Variants in PSD observed in about 807,000 individuals in gnomAD.
The protein encoded by PSD is PH and SEC7 domain-containing protein 1.
A neutral mutation model predicts 91.6 loss-of-function variants in PSD; 32 were observed. The observed-to-expected ratio is 0.35, with a 90% CI of 0.26 to 0.47. The LOEUF is 0.47. Among genes scored for constraint, PSD ranks in the 20% least tolerant of loss-of-function variants. PSD has a pLI of 1.00. For missense variants in PSD, 1,099 were observed against 1,373.9 expected (o/e 0.80, Z 3.16); for synonymous variants, 532 against 569.3 (o/e 0.93, Z 0.93).
intron 3 of PSD, 149 bp from the exon 4 acceptor site, chr10:102,415,378 G>C: frequency 1.0e-6 from 1 of 976,048 alleles, no homozygotes; most frequent in Non-Finnish European, 1.4e-6. Context: ...TACTTAGCTT[G>C]TTCCTGGTGC....
chr10:102,416,653 A>G lies in PSD; in HGVS notation c.386T>C (p.Leu129Pro), dbSNP rs2061485183. 6.2e-7 allele frequency: 1 copy of G among 1,609,616 alleles called. No homozygotes were observed. The highest frequency in any genetic ancestry group is 2.2e-5 in the East Asian group (1 of 44,860). Residue 129 changes from leucine (L) to proline (P), a missense_variant, in exon 2 of 17, where the codon CTG becomes CCG. Physicochemically the swap from Leu to Pro is moderately conservative, Grantham distance 98. Coordinates refer to ENST00000020673, the MANE Select transcript of PSD (RefSeq NM_002779.5). This position sits in a 1 kb window ranked among gnomAD's most constrained non-coding sequence, Gnocchi z 6.0. ...GGGCCTGGGAGGAGAAACCCCACCC[A>G]GATCCCAGCTCCGACTCAAGCCCCC... ...APGGLSRSWD[L>P]GGVSPPRPTP...
In PSD at chr10:102,404,130, C is replaced by T. The variant is rs1039657895; in HGVS notation, c.2701-145G>A. 2.1e-5 allele frequency: 21 copies of T among 980,506 alleles called. No individual in the cohort carries two copies. Among genetic ancestry groups the T allele is most frequent in the East Asian group, 1.7e-4 (6 of 36,226 alleles). The allele number at this position is 980,506 out of a possible 1,614,324, so 60.7% of individuals were successfully genotyped here. On this transcript the variant is annotated intron_variant, in intron 15 of 16. Coordinates refer to ENST00000020673, the MANE Select transcript of PSD (RefSeq NM_002779.5). The surrounding 1 kb of genome is among the most constrained non-coding windows in gnomAD (Gnocchi z 5.7). ...TTGGGAGGCCAAGGCGGGCGGATCA[C>T]GAGGTCAGGAGATCGAGACCATCCT...
At chr10:102,418,950 C>T (rs2061522170), upstream of PSD, 1 of 344,508 alleles carries the variant, frequency 2.9e-6, no homozygotes, top group African/African-American at 2.2e-5. Flanking sequence ...CAACCTAAGA[C>T]CCGCCCCAGA....
chr10:102,411,783 G>A lies in PSD; in HGVS notation c.1866C>T (p.Thr622=), dbSNP rs2135456660. Reference sequence around the variant, plus strand: ...GGGCCAGCACGCGCTCTCGTTCCTGGGTCTCACCCATTAAGGCCAGCTCCT... The same window carrying A: ...GGGCCAGCACGCGCTCTCGTTCCTGAGTCTCACCCATTAAGGCCAGCTCCT... ...FLKELALMGE[T]QERERVLAHF... is the part of the protein sequence containing the mutation. The change falls in exon 8 of 17, where the codon ACC becomes ACT. Residue 622 remains threonine, a synonymous_variant. Transcript: ENST00000020673. 1 of 1,613,594 alleles carries A rather than the reference G, an allele frequency of 6.2e-7. No individual in the cohort carries two copies. The highest frequency in any genetic ancestry group is 8.5e-7 in the Non-Finnish European group (1 of 1,179,798).
Position 102,404,011 on chromosome 10 carries a change from A to T in PSD, c.2701-26T>A. The T allele has an allele frequency of 6.5e-7, 1 of 1,537,404 alleles. No homozygotes were observed. Among genetic ancestry groups the T allele is most frequent in the Non-Finnish European group, 8.7e-7 (1 of 1,144,462 alleles). ...CTAGCGGCCAGGGGGAGGCATGGTC[A>T]TGGTCACTCTGCCCTATACAGTGCC... On this transcript the variant is annotated intron_variant, in intron 15 of 16. Coordinates refer to ENST00000020673, the MANE Select transcript of PSD (RefSeq NM_002779.5). This position sits in a 1 kb window ranked among gnomAD's most constrained non-coding sequence, Gnocchi z 5.7.
At chr10:102,415,960 T>C in intron 3 of PSD, 57 bp downstream of exon 3, 1 of 1,381,946 alleles carries the variant, frequency 7.2e-7, no homozygotes, top group Non-Finnish European at 1.0e-6. Context: ...CTACTGAGCC[T>C]CAGCTGCTGT....
Position 102,409,120 on chromosome 10 carries a change from C to G in PSD, c.2091+1738G>C. 7.1e-6 allele frequency: 7 copies of G among 981,862 alleles called. No homozygotes were observed. Among genetic ancestry groups the G allele is most frequent in the Non-Finnish European group, 8.4e-6 (7 of 828,754 alleles). 60.8% of individuals were successfully genotyped at this position (981,862 alleles called of 1,614,324 possible). A position where few individuals can be genotyped will look rare whatever the true frequency, so the allele number is the denominator to read the frequency against. ...TGGCCCGGCCGGCGCGCCGCGGCCCCCGGCCATGCCCCCGTCCGCCCTCGG... is the reference window on the plus strand; with the variant it reads ...TGGCCCGGCCGGCGCGCCGCGGCCCGCGGCCATGCCCCCGTCCGCCCTCGG... On this transcript the variant is annotated intron_variant, in intron 10 of 16. Coordinates refer to ENST00000020673, the MANE Select transcript of PSD (RefSeq NM_002779.5). This position sits in a 1 kb window ranked among gnomAD's most constrained non-coding sequence, Gnocchi z 5.7.
At position 102,403,065 on chromosome 10, in the gene PSD, C is replaced by T; in HGVS notation, c.*135G>A. 1.6e-6 allele frequency: 1 copy of T among 641,692 alleles called. No homozygotes were observed. The highest frequency in any genetic ancestry group is 2.4e-6 in the Non-Finnish European group (1 of 412,594). The allele number at this position is 641,692 out of a possible 1,614,324, so 39.7% of individuals were successfully genotyped here. A position where few individuals can be genotyped will look rare whatever the true frequency, so the allele number is the denominator to read the frequency against. ...GGCCCAGGCCCCAGCCCTGCCCTGC[C>T]CCGGACACCGCGTCCGGCGCGGTCG... is the stretch of plus-strand genomic sequence containing the variant. On this transcript the variant is annotated 3_prime_UTR_variant, in exon 17 of 17. Coordinates refer to ENST00000020673, the MANE Select transcript of PSD (RefSeq NM_002779.5). The surrounding 1 kb of genome is among the most constrained non-coding windows in gnomAD (Gnocchi z 6.7).
Position 102,414,937 on chromosome 10 carries a change from C to G in PSD, c.1050G>C (p.Glu350Asp), listed in dbSNP as rs2061460729. Residue 350 changes from glutamate (E) to aspartate (D), a missense_variant, in exon 4 of 17, where the codon GAG (glutamate) becomes GAC (aspartate). Glu to Asp is a conservative substitution (Grantham distance 45). Coordinates refer to ENST00000020673, the MANE Select transcript of PSD (RefSeq NM_002779.5). This position sits in a 1 kb window ranked among gnomAD's most constrained non-coding sequence, Gnocchi z 5.6. ...GPHPSLGSGN[E>D]DEDDDEAGGE... ...CACCTGCCTCATCGTCGTCCTCATC[C>G]TCATTGCCACTGCCGAGGCTGGGAT... The G allele has an allele frequency of 6.5e-7, 1 of 1,548,150 alleles. No individual in the cohort carries two copies. Among genetic ancestry groups the G allele is most frequent in the African/African-American group, 1.4e-5 (1 of 73,826 alleles).
rs1274446059 is a variant in PSD at position 102,416,679 on chromosome 10, T to G, written c.360A>C (p.Pro120=). Residue 120 remains proline (P), a synonymous_variant, in exon 2 of 17, where the codon CCA becomes CCC. Transcript: ENST00000020673. This position sits in a 1 kb window ranked among gnomAD's most constrained non-coding sequence, Gnocchi z 6.0. ...GATCCCAGCTCCGACTCAAGCCCCCTGGAGCAGGTAGCCCATTCAGTGGCC... is the reference window on the plus strand; with the variant it reads ...GATCCCAGCTCCGACTCAAGCCCCCGGGAGCAGGTAGCCCATTCAGTGGCC... ...SVRPLNGLPA[P]GGLSRSWDLG... 2 of 1,609,738 alleles carry G rather than the reference T, an allele frequency of 1.2e-6. No homozygotes were observed. The highest frequency in any genetic ancestry group is 2.7e-5 in the African/African-American group (2 of 74,806).
upstream of PSD, chr10:102,419,060 C>T (rs2061523895): frequency 6.2e-6 from 2 of 321,568 alleles, no homozygotes. This position sits in a 1 kb window ranked among gnomAD's most constrained non-coding sequence, Gnocchi z 4.8. Flanking sequence ...GCCCCTTGAG[C>T]CACACGTAAG....
In PSD at chr10:102,412,592, C is replaced by T. The variant is rs1287343776; in HGVS notation, c.1554-17G>A. The T allele has an allele frequency of 1.9e-6, 3 of 1,600,814 alleles. No homozygotes were observed. The highest frequency in any genetic ancestry group is 1.7e-5 in the Admixed American group (1 of 59,144). On this transcript the variant is annotated splice_polypyrimidine_tract_variant and intron_variant, in intron 5 of 16. Transcript: ENST00000020673. The stretch of plus-strand genomic sequence containing the variant: ...GGTGGTTCGCTGCCGGGGTAGAACA[C>T]CAGCTCAGGCTGGGGCAGGGTCCTT...
chr10:102,408,230 G>A (rs1362660890), intron 10 of PSD, among the ~76,000 whole-genome samples: 3 of 152,180 alleles, frequency 2.0e-5, no homozygotes, highest in Non-Finnish European at 2.9e-5. Flanking sequence ...TGGGTGCAGT[G>A]GTGACGTAGG....
At position 102,415,120 on chromosome 10, in the gene PSD, G is replaced by T; in HGVS notation, c.867C>A (p.Asp289Glu). 1 of 1,613,814 alleles carries T rather than the reference G, an allele frequency of 6.2e-7. No homozygotes were observed. Among genetic ancestry groups the T allele is most frequent in the Non-Finnish European group, 8.5e-7 (1 of 1,180,030 alleles). ...RAAKYSETDL[D>E]TVPLRCYRET... is the part of the protein sequence containing the mutation. The stretch of plus-strand genomic sequence containing the variant: ...CGCGGTAGCACCTCAGGGGCACCGT[G>T]TCCAGGTCTGTCTCGGAGTACTTGG... The change falls in exon 4 of 17, where the codon GAC becomes GAA. Residue 289 changes from aspartate to glutamate, a missense_variant. By Grantham distance (45) the Asp-to-Glu change is conservative. Coordinates refer to ENST00000020673, the MANE Select transcript of PSD (RefSeq NM_002779.5).
chr10:102,410,717 G>A lies in PSD; in HGVS notation c.2091+141C>T. 1.4e-6 allele frequency: 1 copy of A among 710,372 alleles called. No individual in the cohort carries two copies. Among genetic ancestry groups the A allele is most frequent in the South Asian group, 1.6e-5 (1 of 61,638 alleles). The allele number at this position is 710,372 out of a possible 1,614,324, so 44.0% of individuals were successfully genotyped here. Reference sequence around the variant, plus strand: ...GGGGAGGGGGCGGTCCCCAGGCTGAGTCACGAGAGCCCGGGCTTCCGTGGC... The same window carrying A: ...GGGGAGGGGGCGGTCCCCAGGCTGAATCACGAGAGCCCGGGCTTCCGTGGC... On this transcript the variant is annotated intron_variant, in intron 10 of 16. Coordinates refer to ENST00000020673, the MANE Select transcript of PSD (RefSeq NM_002779.5). This position sits in a 1 kb window ranked among gnomAD's most constrained non-coding sequence, Gnocchi z 6.0.
chr10:102,419,049 C>T, upstream of PSD: 1 of 302,244 alleles, frequency 3.3e-6, no homozygotes, highest in South Asian at 2.5e-5. The surrounding 1 kb of genome is among the most constrained non-coding windows in gnomAD (Gnocchi z 4.8). Flanking sequence ...TCTCGCCCAC[C>T]GCCCCTTGAG....
At position 102,412,235 on chromosome 10, in the gene PSD, C is replaced by A. The variant is rs1186563480; in HGVS notation, c.1749-8G>T. On this transcript the variant is annotated splice_region_variant and splice_polypyrimidine_tract_variant and intron_variant, in intron 6 of 16. Coordinates refer to ENST00000020673, the MANE Select transcript of PSD (RefSeq NM_002779.5). ...AGTTTGCTGAAGTCATTGCTGTGGG[C>A]AGGGCAGAGAGACAGGTAGGGTCTC... The A allele has an allele frequency of 3.7e-6, 6 of 1,614,042 alleles. No individual in the cohort carries two copies. Among genetic ancestry groups the A allele is most frequent in the Non-Finnish European group, 5.1e-6 (6 of 1,179,942 alleles).
chr10:102,413,062 C>T (rs2061440108), intron 5 of PSD, among the ~76,000 whole-genome samples: 2 of 152,166 alleles, frequency 1.3e-5, no homozygotes, highest in Admixed American at 1.3e-4. Flanking sequence ...TTGGTGCTCC[C>T]CCTCTGCCCA....
At chr10:102,408,377 C>G (rs2061385879) in intron 10 of PSD, among the ~76,000 whole-genome samples, 1 of 152,196 alleles carries the variant, frequency 6.6e-6, no homozygotes, top group African/African-American at 2.4e-5. Flanking sequence ...CTGTTCACAC[C>G]CTATCTGGGG....
Sources: gnomAD v4.1 joint callset for allele counts (sites outside exome capture counted in the v4.1 genomes callset) on GRCh38, gnomAD v4.1.1 for gene constraint, Gnocchi (gnomAD v3.1) non-coding constraint, MANE v1.5 for transcripts, NCBI Gene and HGNC (gene_info 2026-07-23, HGNC 2026-07-21) for gene names.